The following KLKB1 variants were observed in gnomAD, a reference collection of about 807,000 sequenced individuals.
KLKB1 encodes the protein kallikrein B1.
Under a neutral mutation model 73.6 loss-of-function variants are expected in KLKB1, and 58 were observed. The ratio of observed to expected loss-of-function variants is 0.79; its 90% CI spans 0.64 to 0.98. The LOEUF is 0.98. KLKB1 is among the 50% of genes least tolerant of loss of function. The probability of loss-of-function intolerance (pLI) is 0.00; values close to 1 mark genes in which losing one functional copy is unlikely to be tolerated. For missense variants in KLKB1, 737 were observed against 763.8 expected (o/e 0.96, Z 0.41); for synonymous variants, 280 against 258.1 (o/e 1.08, Z -0.81).
chr4:186,254,513 G>A (rs1364794798), intron 11 of KLKB1, 75 bp from the exon 12 acceptor site: 2 of 1,199,020 alleles, frequency 1.7e-6, no homozygotes, highest in African/African-American at 3.0e-5. Flanking sequence ...CTTTGAAAGA[G>A]AGTGATAGGA....
At chr4:186,251,366 C>G (rs1435819691) in intron 8 of KLKB1, 38 bp downstream of exon 8, 1 of 1,515,458 alleles carries the variant, frequency 6.6e-7, no homozygotes, top group East Asian at 2.3e-5. Flanking sequence ...TAAAATGTAA[C>G]CTATTTCATG....
intron 13 of KLKB1, among the ~76,000 whole-genome samples, chr4:186,257,016 T>C (rs986382345): frequency 6.6e-6 from 1 of 151,966 alleles, no homozygotes; most frequent in South Asian, 2.1e-4. Context: ...TGTGTGTGTG[T>C]GTGTGTGTAA....
Position 186,258,151 on chromosome 4 carries a change from A to G in KLKB1, c.1856A>G (p.Asp619Gly). 6.2e-7 allele frequency: 1 copy of G among 1,614,184 alleles called. No homozygotes were observed. The highest frequency in any genetic ancestry group is 1.1e-5 in the South Asian group (1 of 91,092). The change falls in exon 15 of 15, where the codon GAC (aspartate) becomes GGC (glycine). Residue 619 changes from aspartate (D) to glycine (G), a missense_variant. Physicochemically the swap from Asp to Gly is moderately conservative, Grantham distance 94. Coordinates refer to ENST00000264690, the MANE Select transcript of KLKB1 (RefSeq NM_000892.5). ...TACACCAAAGTCGCTGAGTACATGG[A>G]CTGGATTTTAGAGAAAACACAGAGC... is the stretch of plus-strand genomic sequence containing the variant. Reference protein sequence around the residue: ...GVYTKVAEYMDWILEKTQSSD... With the variant: ...GVYTKVAEYMGWILEKTQSSD...
chr4:186,254,952 C>A (rs1046788692), intron 12 of KLKB1, among the ~76,000 whole-genome samples, 189 bp downstream of exon 12: 1 of 152,116 alleles, frequency 6.6e-6, no homozygotes, highest in African/African-American at 2.4e-5. Context: ...ACTTAAAGAG[C>A]AAGACATGTG....
At chr4:186,231,881 T>G (rs1253052952) in intron 2 of KLKB1, among the ~76,000 whole-genome samples, 1 of 152,222 alleles carries the variant, frequency 6.6e-6, no homozygotes, top group Non-Finnish European at 1.5e-5. Context: ...GGAATTTATG[T>G]GCAAATTATT....
At chr4:186,226,377 G>T (rs1383700120), upstream of KLKB1, 1 of 152,218 alleles carries the variant, frequency 6.6e-6, no homozygotes, top group African/African-American at 2.4e-5. Flanking sequence ...ACCTATTTCA[G>T]TCTTTACATA....
chr4:186,258,062 G>A lies in KLKB1; in HGVS notation c.1767G>A (p.Met589Ile), dbSNP rs374301217. 4.3e-6 allele frequency: 7 copies of A among 1,613,996 alleles called. No homozygotes were observed. The East Asian group carries it at 1.6e-4, about 36-fold the overall frequency. ...GGPLVCKHNG[M>I]WRLVGITSWG... ...CCTTAGTTTGCAAACACAATGGAATGTGGCGTTTGGTGGGCATCACCAGCT... is the reference window on the plus strand; with the variant it reads ...CCTTAGTTTGCAAACACAATGGAATATGGCGTTTGGTGGGCATCACCAGCT... The change falls in exon 15 of 15, where the codon ATG becomes ATA. Residue 589 changes from methionine to isoleucine, a missense_variant. Physicochemically the swap from Met to Ile is conservative, Grantham distance 10 (BLOSUM62 1). Transcript: ENST00000264690.
chr4:186,210,888 G>A (rs1715498297), intron 2 of KLKB1: 1 of 416,040 alleles, frequency 2.4e-6, no homozygotes, highest in South Asian at 2.3e-5. Context: ...GGCTGGAGGA[G>A]TGCAGTGGTG....
At chr4:186,237,632 A>G in intron 5 of KLKB1, among the ~76,000 whole-genome samples, 1 of 152,052 alleles carries the variant, frequency 6.6e-6, no homozygotes, top group East Asian at 1.9e-4. Context: ...TCACAATTTG[A>G]TATTAACTTG....
chr4:186,244,324 G>A (rs1377380652), intron 6 of KLKB1, among the ~76,000 whole-genome samples: 3 of 150,374 alleles, frequency 2.0e-5, no homozygotes, highest in Admixed American at 6.7e-5. Context: ...GGAAGAAAAG[G>A]AGTTGTTTTG....
chr4:186,248,595 AT>A (rs138717531), intron 6 of KLKB1, among the ~76,000 whole-genome samples: 33,713 of 114,762 alleles, frequency 0.29, 3,776 homozygotes, highest in East Asian at 0.38. Context: ...TTGTTTCTGG[AT>A]TTTTTTTTTT....
chr4:186,230,519 T>C (rs1388412225), intron 2 of KLKB1, among the ~76,000 whole-genome samples: 1 of 152,180 alleles, frequency 6.6e-6, no homozygotes, highest in Non-Finnish European at 1.5e-5. Flanking sequence ...AGATAAATTA[T>C]ATAATAGTAC....
chr4:186,229,940 G>T (rs75577822), intron 2 of KLKB1, among the ~76,000 whole-genome samples: 3 of 149,636 alleles, frequency 2.0e-5, no homozygotes, highest in African/African-American at 7.4e-5. Context: ...AGACTCTTAT[G>T]TTTTTTTTTT....
At chr4:186,225,125 T>C (rs1430383249), upstream of KLKB1, among the ~76,000 whole-genome samples, 1 of 152,164 alleles carries the variant, frequency 6.6e-6, no homozygotes, top group Non-Finnish European at 1.5e-5. Flanking sequence ...TAAACCTCTT[T>C]TGTTTATAAA....
intron 6 of KLKB1, among the ~76,000 whole-genome samples, chr4:186,243,682 G>C (rs552978803): frequency 6.6e-6 from 1 of 152,150 alleles, no homozygotes; most frequent in Non-Finnish European, 1.5e-5. Context: ...CCATATAACC[G>C]CATGGTGGTG....
chr4:186,251,053 C>T, intron 7 of KLKB1, 166 bp from the exon 8 acceptor site: 1 of 602,992 alleles, frequency 1.7e-6, no homozygotes, highest in Non-Finnish European at 2.9e-6. Flanking sequence ...TACATTTAAT[C>T]TCTGCAATTT....
chr4:186,248,271 T>TA (rs141288175), intron 6 of KLKB1, among the ~76,000 whole-genome samples: 1,568 of 142,964 alleles, frequency 0.011, 20 homozygotes, highest in Admixed American at 0.036. Context: ...AAAAATAAAA[T>TA]AAAAAAAAAA....
rs769924956 is a variant in KLKB1 at position 186,250,208 on chromosome 4, TTCCTAAGGAACATCTTCTC to T, written c.599-32_599-14del. On this transcript the variant is annotated splice_polypyrimidine_tract_variant and intron_variant, in intron 6 of 14. Transcript: ENST00000264690. ...ACAAGCAAATTTAGCCTCATGTCAT[TTCCTAAGGAACATCTTCTC>T]TCTGTGAGTTCACAGGTTGCCACAT... 7 of 1,606,500 alleles carry T rather than the reference TTCCTAAGGAACATCTTCTC, an allele frequency of 4.4e-6. No individual in the cohort carries two copies. The African/African-American group carries it at 8.0e-5, about 18-fold the overall frequency.
At chr4:186,252,551 A>G (rs1304514177) in intron 11 of KLKB1, among the ~76,000 whole-genome samples, 1 of 132,870 alleles carries the variant, frequency 7.5e-6, no homozygotes, top group African/African-American at 3.0e-5. Flanking sequence ...CCCACCATCA[A>G]TCTCAGCACC....
Sources: allele counts gnomAD v4.1 joint callset (sites outside exome capture counted in the v4.1 genomes callset), GRCh38; gene constraint gnomAD v4.1.1; transcripts MANE v1.5; gene names NCBI Gene and HGNC (gene_info 2026-07-23, HGNC 2026-07-21).